The following CNTN4 variants were observed in gnomAD, a reference collection of about 807,000 sequenced individuals.
The protein encoded by CNTN4 is contactin-4.
A neutral mutation model predicts 122.5 loss-of-function variants in CNTN4; 77 were observed. The ratio of observed to expected loss-of-function variants is 0.63; its 90% CI spans 0.52 to 0.76. The LOEUF is 0.76. Ranked by LOEUF, CNTN4 falls within the 30% of genes least tolerant of loss-of-function variation. The pLI is 0.00. For synonymous variants in CNTN4, 512 were observed against 447.0 expected (o/e 1.15, Z -1.83); for missense variants, 1,256 against 1,259.1 (o/e 1.00, Z 0.04).
chr3:2,874,044 GGATGTGA>G (rs1318688467), intron 8 of CNTN4, among the ~76,000 whole-genome samples: 2 of 152,184 alleles, frequency 1.3e-5, no homozygotes, highest in Non-Finnish European at 2.9e-5. Flanking sequence ...AATGACTAAA[GGATGTGA>G]GATATTTTGC....
intron 13 of CNTN4, among the ~76,000 whole-genome samples, chr3:2,955,851 G>C (rs2094793913): frequency 6.6e-6 from 1 of 151,576 alleles, no homozygotes; most frequent in Non-Finnish European, 1.5e-5. Context: ...ACAGCTAGTG[G>C]GGATGTAAAA....
intron 4 of CNTN4, among the ~76,000 whole-genome samples, chr3:2,682,371 A>AG (rs1422693145): frequency 6.6e-6 from 1 of 152,142 alleles, no homozygotes; most frequent in Non-Finnish European, 1.5e-5. Flanking sequence ...ATTGTTCTTA[A>AG]CTTTTTTTTA....
At chr3:2,375,525 T>C (rs1575492598) in intron 3 of CNTN4, among the ~76,000 whole-genome samples, 1 of 152,178 alleles carries the variant, frequency 6.6e-6, no homozygotes, top group Admixed American at 6.5e-5. Flanking sequence ...ATCAGTTAAG[T>C]TACAGATCCT....
At chr3:2,449,951 A>G (rs530339958) in intron 3 of CNTN4, among the ~76,000 whole-genome samples, 18 of 152,308 alleles carry the variant, frequency 1.2e-4, no homozygotes, top group African/African-American at 3.8e-4. Context: ...GGGAGGAGGA[A>G]ATGGGAATTG....
chr3:2,169,618 C>T (rs960278778), intron 2 of CNTN4, among the ~76,000 whole-genome samples: 8 of 151,944 alleles, frequency 5.3e-5, no homozygotes, highest in South Asian at 2.1e-4. Context: ...AGGATGGTCT[C>T]GATCTCCTGA....
intron 2 of CNTN4, among the ~76,000 whole-genome samples, chr3:2,117,082 G>A (rs565551249): frequency 6.6e-6 from 1 of 152,274 alleles, no homozygotes; most frequent in African/African-American, 2.4e-5. Flanking sequence ...TCAGATCACA[G>A]AGGTTGAGGG....
chr3:2,727,064 G>A (rs550886100), intron 4 of CNTN4, among the ~76,000 whole-genome samples: 3 of 152,162 alleles, frequency 2.0e-5, no homozygotes, highest in Non-Finnish European at 4.4e-5. Context: ...CATTCCATGA[G>A]GGCAGGACAA....
At chr3:2,910,288 T>G (rs1291831172) in intron 12 of CNTN4, among the ~76,000 whole-genome samples, 1 of 152,222 alleles carries the variant, frequency 6.6e-6, no homozygotes, top group African/African-American at 2.4e-5. Context: ...TTTAAAATAT[T>G]ACTCTAGAAT....
chr3:2,749,154 A>T (rs1202368954), intron 6 of CNTN4, among the ~76,000 whole-genome samples: 1 of 151,668 alleles, frequency 6.6e-6, no homozygotes, highest in Non-Finnish European at 1.5e-5. Context: ...TATTTCACTT[A>T]CCAGAATTTT....
chr3:2,600,920 G>A (rs1290237257), intron 4 of CNTN4, among the ~76,000 whole-genome samples: 1 of 152,156 alleles, frequency 6.6e-6, no homozygotes, highest in African/African-American at 2.4e-5. Context: ...GTATCTCATT[G>A]TGGTTTTGAT....
chr3:2,337,434 C>T (rs962080571), intron 2 of CNTN4, among the ~76,000 whole-genome samples: 1 of 152,066 alleles, frequency 6.6e-6, no homozygotes, highest in African/African-American at 2.4e-5. Flanking sequence ...CTAGTGGATA[C>T]TATAACTAGT....
chr3:2,883,051 G>T, intron 8 of CNTN4, 94 bp from the exon 9 acceptor site: 1 of 811,868 alleles, frequency 1.2e-6, no homozygotes, highest in Non-Finnish European at 2.1e-6. Flanking sequence ...ACATAATGAT[G>T]TGTATAAGCA....
intron 6 of CNTN4, among the ~76,000 whole-genome samples, chr3:2,807,212 A>G (rs576156625): frequency 1.3e-5 from 2 of 152,336 alleles, no homozygotes; most frequent in East Asian, 1.9e-4. Flanking sequence ...GAGCAATGGC[A>G]TTTCTAAGAA....
At chr3:2,949,288 C>A (rs777031396) in intron 13 of CNTN4, among the ~76,000 whole-genome samples, 2 of 152,058 alleles carry the variant, frequency 1.3e-5, no homozygotes, top group Non-Finnish European at 2.9e-5. Context: ...GTCATGCCAA[C>A]CAAAACGAGT....
At chr3:2,645,588 A>G (rs900445389) in intron 4 of CNTN4, among the ~76,000 whole-genome samples, 4 of 152,214 alleles carry the variant, frequency 2.6e-5, no homozygotes, top group Admixed American at 6.5e-5. Context: ...AATAACACTT[A>G]AATTATAAAG....
intron 2 of CNTN4, among the ~76,000 whole-genome samples, chr3:2,163,229 G>C (rs1559300585): frequency 6.6e-6 from 1 of 152,150 alleles, no homozygotes; most frequent in African/African-American, 2.4e-5. Context: ...CTTCAACAAA[G>C]CATACAAAAG....
Position 3,026,245 on chromosome 3 carries a change from A to G in CNTN4, c.1630A>G (p.Arg544Gly), listed in dbSNP as rs769194359. 57 of 1,613,498 alleles carry G rather than the reference A, an allele frequency of 3.5e-5. 1 individual carries two copies. In the South Asian group the frequency reaches 6.0e-4, roughly 17 times the overall value. Residue 544 changes from arginine to glycine, a missense_variant, in exon 15 of 25, where the codon AGA becomes GGA. Coordinates refer to ENST00000418658, the MANE Select transcript of CNTN4 (RefSeq NM_175607.3). ...SFNGHLIDFD[R>G]DGDHFERVGG... ...TAATGGACACCTGATAGACTTTGAC[A>G]GAGATGGGGACCACTTTGAAAGAGT...
At chr3:2,961,059 T>A (rs2094849633) in intron 13 of CNTN4, among the ~76,000 whole-genome samples, 1 of 143,532 alleles carries the variant, frequency 7.0e-6, no homozygotes, top group African/African-American at 2.5e-5. Flanking sequence ...TGAAACCCCG[T>A]CTCTACTAAA....
At chr3:2,100,048 G>T (rs1350080951) in intron 1 of CNTN4, among the ~76,000 whole-genome samples, 3 of 152,204 alleles carry the variant, frequency 2.0e-5, no homozygotes, top group African/African-American at 7.2e-5. Flanking sequence ...GTTGCTTGCT[G>T]GCCAGGGTCT....
Sources: gnomAD v4.1 joint callset for allele counts (sites outside exome capture counted in the v4.1 genomes callset) on GRCh38, gnomAD v4.1.1 for gene constraint, MANE v1.5 for transcripts, NCBI Gene and HGNC (gene_info 2026-07-23, HGNC 2026-07-21) for gene names.